The following CWH43 variants were observed in gnomAD, a reference collection of about 807,000 sequenced individuals.
CWH43 encodes the protein cell wall biogenesis 43 C-terminal homolog, also known as PGAP2-interacting protein.
Under a neutral mutation model 85.7 loss-of-function variants are expected in CWH43, and 91 were observed. The observed-to-expected ratio is 1.06, with a 90% CI of 0.90 to 1.26. CWH43 has a LOEUF of 1.26. Ranked by LOEUF, CWH43 falls within the 50% of genes most tolerant of loss-of-function variation. CWH43 has a pLI of 0.00. For synonymous variants in CWH43, 323 were observed against 293.6 expected, an observed-to-expected ratio of 1.10 and a Z score of -1.02; for missense variants, 869 against 839.2, an observed-to-expected ratio of 1.04 and a Z score of -0.44.
intron 13 of CWH43, among the ~76,000 whole-genome samples, chr4:49,040,341 A>T (rs1357029664): frequency 6.6e-6 from 1 of 152,184 alleles, no homozygotes; most frequent in Non-Finnish European, 1.5e-5. Flanking sequence ...ACAATGGTTG[A>T]ACTAGTTTAC....
At chr4:49,035,707 T>C (rs1026959287) in intron 12 of CWH43, among the ~76,000 whole-genome samples, 5 of 152,238 alleles carry the variant, frequency 3.3e-5, no homozygotes, top group Admixed American at 2.0e-4. Context: ...TCTTTCCTTA[T>C]ACATATACTT....
In CWH43 at chr4:49,049,493, C is replaced by T. The variant is rs376399804; in HGVS notation, c.1866-1201C>T. ...AGCTGTCACAGACCTCTGCTTCAAA[C>T]CCCTCTGATGGATTCTTATCTCACT... On this transcript the variant is annotated intron_variant, in intron 14 of 15. Coordinates refer to ENST00000226432, the MANE Select transcript of CWH43 (RefSeq NM_025087.3). 1.3e-5 allele frequency among the ~76,000 whole-genome samples: 2 copies of T among 151,860 alleles called. 1 individual carries two copies. The highest frequency in any genetic ancestry group is 1.3e-4 in the Admixed American group (2 of 15,224).
chr4:49,050,611 A>G, intron 14 of CWH43, 83 bp from the exon 15 acceptor site: 1 of 1,092,068 alleles, frequency 9.2e-7, no homozygotes, highest in Non-Finnish European at 1.3e-6. Context: ...AACTGGTTTA[A>G]TAACAAAGGG....
chr4:49,021,641 G>A (rs1355986774), intron 9 of CWH43, among the ~76,000 whole-genome samples: 1 of 152,118 alleles, frequency 6.6e-6, no homozygotes, highest in Non-Finnish European at 1.5e-5. Flanking sequence ...GCTTTTGGCA[G>A]TAGGGTTATT....
intron 1 of CWH43, among the ~76,000 whole-genome samples, chr4:48,987,915 A>G (rs780985739): frequency 6.6e-6 from 1 of 152,148 alleles, no homozygotes; most frequent in African/African-American, 2.4e-5. Context: ...GACTCTCACA[A>G]TATTTTTCAT....
chr4:49,047,022 A>G (rs1459734387), intron 14 of CWH43, among the ~76,000 whole-genome samples: 2 of 152,182 alleles, frequency 1.3e-5, no homozygotes, highest in African/African-American at 2.4e-5. Context: ...TCTTTTCTCC[A>G]TATAGAGCAG....
Position 48,991,982 on chromosome 4 carries a change from G to C in CWH43, c.403G>C (p.Val135Leu), listed in dbSNP as rs1276347309. ...GFILGQIVLV[V>L]LRIWYTSLNP... ...CATTTTAGGACAGATTGTTCTTGTT[G>C]TTCTACGCATATGGTATACTTCACT... Residue 135 changes from valine to leucine, a missense_variant, in exon 4 of 16, where the codon GTT (valine) becomes CTT (leucine). Coordinates refer to ENST00000226432, the MANE Select transcript of CWH43 (RefSeq NM_025087.3). 1 of 1,613,736 alleles carries C rather than the reference G, an allele frequency of 6.2e-7. No individual in the cohort carries two copies. Among genetic ancestry groups the C allele is most frequent in the Non-Finnish European group, 8.5e-7 (1 of 1,179,858 alleles).
intron 15 of CWH43, among the ~76,000 whole-genome samples, chr4:49,056,865 TC>T (rs1784980796): frequency 6.6e-6 from 1 of 152,218 alleles, no homozygotes; most frequent in African/African-American, 2.4e-5. Context: ...TTTATTTGTC[TC>T]AACATAATTT....
At chr4:49,025,661 G>A (rs1020600101) in intron 9 of CWH43, among the ~76,000 whole-genome samples, 2 of 152,186 alleles carry the variant, frequency 1.3e-5, no homozygotes, top group African/African-American at 4.8e-5. Flanking sequence ...TGGGCTCTGG[G>A]CTGGTACTTG....
At position 49,053,940 on chromosome 4, in the gene CWH43, A is replaced by T. The variant is rs373207331; in HGVS notation, c.2021+3091A>T. ...AATACTCAACCTATATAGTTTGTAA[A>T]TATATTCTCTCATCCCATAGGTTGT... On this transcript the variant is annotated intron_variant, in intron 15 of 15. Coordinates refer to ENST00000226432, the MANE Select transcript of CWH43 (RefSeq NM_025087.3). 2.0e-5 allele frequency among the ~76,000 whole-genome samples: 3 copies of T among 152,140 alleles called. 1 individual carries two copies. The East Asian group carries it at 5.8e-4, about 29-fold the overall frequency.
At chr4:49,052,999 A>G (rs1405786544) in intron 15 of CWH43, among the ~76,000 whole-genome samples, 2 of 151,936 alleles carry the variant, frequency 1.3e-5, no homozygotes, top group African/African-American at 2.4e-5. Flanking sequence ...CATGAGTTCA[A>G]TTTTTTCAGA....
chr4:49,038,201 T>A, intron 13 of CWH43, 21 bp downstream of exon 13: 1 of 1,501,618 alleles, frequency 6.7e-7, no homozygotes, highest in South Asian at 1.3e-5. Context: ...CTTAATAGGA[T>A]TTCTAATTTA....
intron 8 of CWH43, among the ~76,000 whole-genome samples, chr4:49,013,632 T>C (rs760866231): frequency 1.1e-3 from 31 of 27,968 alleles, no homozygotes; most frequent in Admixed American, 9.1e-3. Flanking sequence ...ATTTCTCTAC[T>C]TTTTTTTTTG....
chr4:49,020,657 T>C (rs1262635855), intron 9 of CWH43, among the ~76,000 whole-genome samples: 1 of 152,200 alleles, frequency 6.6e-6, no homozygotes, highest in African/African-American at 2.4e-5. Flanking sequence ...GTGGTTGTAC[T>C]AGTTTACCTT....
Position 49,028,733 on chromosome 4 carries a change from A to T in CWH43, c.1371A>T (p.Thr457=), listed in dbSNP as rs1783999354. ...GATCAGCTCACCTGCTCAATGAAAC[A>T]GGTAAGTCTTCCTGGAATTAGTTCC... ...LERSAHLLNE[T]GADFITILES... is the part of the protein sequence containing the mutation. Residue 457 remains threonine, a splice_region_variant and synonymous_variant, in exon 10 of 16, where the codon ACA becomes ACT. Transcript: ENST00000226432. The T allele has an allele frequency of 1.3e-6, 2 of 1,585,792 alleles. No individual in the cohort carries two copies. The highest frequency in any genetic ancestry group is 1.3e-5 in the African/African-American group (1 of 74,318).
Position 48,989,992 on chromosome 4 carries a change from G to A in CWH43, c.235+1324G>A, listed in dbSNP as rs116558032. On this transcript the variant is annotated intron_variant, in intron 2 of 15. Coordinates refer to ENST00000226432, the MANE Select transcript of CWH43 (RefSeq NM_025087.3). ...AGATTCATTTCCTTATCACACTTCA[G>A]GTTGATTTTATGGGAGTGATCTCAT... 4.7e-3 allele frequency among the ~76,000 whole-genome samples: 721 copies of A among 152,224 alleles called. 6 individuals carry two copies. The highest frequency in any genetic ancestry group is 0.02 in the Middle Eastern group (6 of 294).
intron 13 of CWH43, among the ~76,000 whole-genome samples, chr4:49,043,811 CTTT>C (rs1784541282): frequency 6.6e-6 from 1 of 151,912 alleles, no homozygotes; most frequent in South Asian, 2.1e-4. Context: ...AACAGTGCTT[CTTT>C]ATTTCCTTCA....
chr4:48,986,535 G>A (rs1464691890), intron 1 of CWH43, 63 bp downstream of exon 1: 5 of 1,545,790 alleles, frequency 3.2e-6, no homozygotes, highest in Non-Finnish European at 4.4e-6. Flanking sequence ...GTCCAGAGCC[G>A]TGGAGCCAGG....
intron 8 of CWH43, among the ~76,000 whole-genome samples, chr4:49,016,291 T>G (rs1282806061): frequency 6.6e-6 from 1 of 152,122 alleles, no homozygotes; most frequent in Non-Finnish European, 1.5e-5. Flanking sequence ...GTGCCATGTG[T>G]TTATTCCCTC....
Sources: gnomAD v4.1 joint callset for allele counts (sites outside exome capture counted in the v4.1 genomes callset) on GRCh38, gnomAD v4.1.1 for gene constraint, MANE v1.5 for transcripts, NCBI Gene and HGNC (gene_info 2026-07-23, HGNC 2026-07-21) for gene names.